TENM3: variants seen among roughly 807,000 people sequenced by gnomAD.
TENM3 encodes the protein teneurin-3.
In TENM3, 63 loss-of-function variants were observed where a neutral mutation model predicts 255.1. The ratio of observed to expected loss-of-function variants is 0.25; its 90% CI spans 0.20 to 0.30. The LOEUF is 0.30. TENM3 is among the 10% of genes least tolerant of loss of function. The probability of loss-of-function intolerance (pLI) is 1.00; values close to 1 mark genes in which losing one functional copy is unlikely to be tolerated. For synonymous variants in TENM3, 1,306 were observed against 1,322.3 expected (o/e 0.99, Z 0.27); for missense variants, 2,929 against 3,461.1 (o/e 0.85, Z 3.86).
the TENM3 span, among the ~76,000 whole-genome samples, chr4:181,576,661 G>A: frequency 1.3e-5 from 2 of 152,054 alleles, no homozygotes; most frequent in Non-Finnish European, 2.9e-5. Flanking sequence ...GGTGTTGAAT[G>A]CGTATGTAAG....
At chr4:181,548,403 A>G in the TENM3 span, among the ~76,000 whole-genome samples, 1 of 152,216 alleles carries the variant, frequency 6.6e-6, no homozygotes, top group Non-Finnish European at 1.5e-5. Flanking sequence ...AAAGACTTGG[A>G]ACCAACCCAA....
At chr4:182,199,720 CTTT>C (rs367906246) in intron 1 of TENM3, among the ~76,000 whole-genome samples, 1 of 104,852 alleles carries the variant, frequency 9.5e-6, no homozygotes, top group Admixed American at 1.2e-4. Flanking sequence ...AACATCATTG[CTTT>C]TTTTTTTTTT....
At chr4:182,794,289 G>C (rs1766331059) in intron 26 of TENM3, among the ~76,000 whole-genome samples, 1 of 152,132 alleles carries the variant, frequency 6.6e-6, no homozygotes. Flanking sequence ...CTATAAAATT[G>C]GGATAATAAT....
At chr4:182,564,781 T>C (rs551726531) in intron 3 of TENM3, among the ~76,000 whole-genome samples, 58 of 152,328 alleles carry the variant, frequency 3.8e-4, no homozygotes, top group South Asian at 1.9e-3. Context: ...CTGCAGTAAC[T>C]CCTGCAATGA....
At chr4:181,702,730 C>T in the TENM3 span, among the ~76,000 whole-genome samples, 9 of 152,146 alleles carry the variant, frequency 5.9e-5, no homozygotes, top group Admixed American at 1.3e-4. Context: ...AATTAGTCCT[C>T]ATTGCATATA....
the TENM3 span, among the ~76,000 whole-genome samples, chr4:182,068,372 T>C: frequency 7.1e-6 from 1 of 141,704 alleles, no homozygotes; most frequent in Non-Finnish European, 1.6e-5. Context: ...AGAATCTTTA[T>C]TTTTTAAAGT....
the TENM3 span, among the ~76,000 whole-genome samples, chr4:181,871,261 C>T: frequency 6.6e-6 from 1 of 151,968 alleles, no homozygotes; most frequent in African/African-American, 2.4e-5. Context: ...GGCTTAGAAT[C>T]AACTAGTCAT....
intron 3 of TENM3, among the ~76,000 whole-genome samples, chr4:182,457,468 A>G (rs1773969257): frequency 6.8e-6 from 1 of 147,114 alleles, no homozygotes; most frequent in Non-Finnish European, 1.5e-5. Flanking sequence ...TCTCTATTTT[A>G]AAGATATGGA....
At chr4:182,195,023 TCACACACA>T (rs70954299) in intron 1 of TENM3, among the ~76,000 whole-genome samples, 3,867 of 147,048 alleles carry the variant, frequency 0.026, 88 homozygotes, top group East Asian at 0.08. Context: ...ACAGTCTCTA[TCACACACA>T]CACACACACA....
chr4:181,777,239 T>C, the TENM3 span, among the ~76,000 whole-genome samples: 1 of 152,258 alleles, frequency 6.6e-6, no homozygotes, highest in Middle Eastern at 3.4e-3. Context: ...GGTTTATCTC[T>C]GGATTCTCTA....
At chr4:181,839,384 T>TATACAC in the TENM3 span, among the ~76,000 whole-genome samples, 5,117 of 83,066 alleles carry the variant, frequency 0.062, 518 homozygotes, top group South Asian at 0.1. Context: ...TATATATATA[T>TATACAC]ACACCTATAT....
chr4:181,629,981 T>C, the TENM3 span, among the ~76,000 whole-genome samples: 1 of 152,200 alleles, frequency 6.6e-6, no homozygotes, highest in Non-Finnish European at 1.5e-5. Context: ...CTTTTTTTGG[T>C]TGGTAGGCTA....
At chr4:181,507,098 G>A in the TENM3 span, among the ~76,000 whole-genome samples, 7 of 152,098 alleles carry the variant, frequency 4.6e-5, no homozygotes, top group East Asian at 1.9e-4. Context: ...TTTGGTATCC[G>A]TACCTGATCT....
the TENM3 span, among the ~76,000 whole-genome samples, chr4:181,597,511 T>G: frequency 1.3e-5 from 2 of 152,190 alleles, no homozygotes; most frequent in African/African-American, 4.8e-5. Flanking sequence ...TTTCTTTTCC[T>G]TTTTTTCAAG....
At chr4:181,651,135 A>AC in the TENM3 span, among the ~76,000 whole-genome samples, 14 of 152,238 alleles carry the variant, frequency 9.2e-5, no homozygotes, top group African/African-American at 3.1e-4. Flanking sequence ...GTTGATGAGT[A>AC]CAGCATAAAC....
the TENM3 span, among the ~76,000 whole-genome samples, chr4:181,580,009 T>C: frequency 6.9e-6 from 1 of 145,600 alleles, no homozygotes; most frequent in Non-Finnish European, 1.5e-5. Flanking sequence ...ATTTTATTTA[T>C]TTTTTGAGAT....
the TENM3 span, among the ~76,000 whole-genome samples, chr4:181,910,626 G>GTA: frequency 5.6e-5 from 8 of 144,024 alleles, no homozygotes; most frequent in African/African-American, 7.8e-5. Flanking sequence ...ACGTGTGTGT[G>GTA]TGTATGTGTG....
At chr4:182,013,884 TATTATA>T in the TENM3 span, among the ~76,000 whole-genome samples, 1 of 149,902 alleles carries the variant, frequency 6.7e-6, no homozygotes, top group Non-Finnish European at 1.5e-5. Context: ...AATACTTATA[TATTATA>T]AAGTACTACA....
intron 10 of TENM3, among the ~76,000 whole-genome samples, chr4:182,681,280 A>T (rs997852722): frequency 1.3e-5 from 2 of 152,242 alleles, no homozygotes; most frequent in Non-Finnish European, 2.9e-5. Context: ...ATCTGCACAC[A>T]CAAAGTAATG....
Sources: gnomAD v4.1 joint callset for allele counts (sites outside exome capture counted in the v4.1 genomes callset) on GRCh38, gnomAD v4.1.1 for gene constraint, MANE v1.5 for transcripts, NCBI Gene and HGNC (gene_info 2026-07-23, HGNC 2026-07-21) for gene names.